DNAJC11: variants seen among roughly 807,000 people sequenced by gnomAD.
DNAJC11 encodes the protein dnaJ homolog subfamily C member 11.
A neutral mutation model predicts 78.6 loss-of-function variants in DNAJC11; 15 were observed. That is an observed-to-expected ratio of 0.19 (90% CI 0.13 to 0.29). The LOEUF (loss-of-function observed/expected upper bound fraction) is 0.29, where lower values mean the gene tolerates loss of function less well. Ranked by LOEUF, DNAJC11 falls within the 10% of genes least tolerant of loss-of-function variation. DNAJC11 has a pLI of 1.00. For missense variants in DNAJC11, 547 were observed against 709.6 expected (o/e 0.77, Z 2.60); for synonymous variants, 292 against 272.1 (o/e 1.07, Z -0.72).
intron 7 of DNAJC11, chr1:6,651,231 C>T: frequency 4.8e-6 from 3 of 618,628 alleles, no homozygotes; most frequent in Non-Finnish European, 9.5e-6. Flanking sequence ...GTCCACTGAC[C>T]AACTCTCCCT....
intron 1 of DNAJC11, among the ~76,000 whole-genome samples, chr1:6,695,643 A>AAAAAAAAAT (rs1642823716): frequency 6.7e-6 from 1 of 148,500 alleles, no homozygotes; most frequent in South Asian, 2.1e-4. Flanking sequence ...AAAAAAAAAA[A>AAAAAAAAAT]AAAAAAAAAA....
At chr1:6,700,445 T>C (rs1409946822) in intron 1 of DNAJC11, among the ~76,000 whole-genome samples, 1 of 152,206 alleles carries the variant, frequency 6.6e-6, no homozygotes, top group Non-Finnish European at 1.5e-5. Context: ...AGCAGCTTTG[T>C]AGTCCAAGGA....
chr1:6,662,958 T>C (rs1003853788), intron 4 of DNAJC11, among the ~76,000 whole-genome samples: 1 of 152,068 alleles, frequency 6.6e-6, no homozygotes, highest in Non-Finnish European at 1.5e-5. Context: ...ACCGCGAAGG[T>C]CCATGGCTTC....
chr1:6,657,794 G>A (rs1307547789), intron 4 of DNAJC11, among the ~76,000 whole-genome samples: 2 of 152,024 alleles, frequency 1.3e-5, no homozygotes, highest in Admixed American at 6.6e-5. Flanking sequence ...ACAGGCGCCT[G>A]CCACCACGCC....
At chr1:6,662,916 T>G (rs1642239535) in intron 4 of DNAJC11, among the ~76,000 whole-genome samples, 1 of 152,152 alleles carries the variant, frequency 6.6e-6, no homozygotes, top group African/African-American at 2.4e-5. Flanking sequence ...TGCTGCTCAC[T>G]CTGGGTCCGC....
At chr1:6,663,258 A>G (rs1433804408) in intron 4 of DNAJC11, among the ~76,000 whole-genome samples, 1 of 152,154 alleles carries the variant, frequency 6.6e-6, no homozygotes, top group Non-Finnish European at 1.5e-5. Flanking sequence ...AAACTAAAGC[A>G]ATATATGCCC....
intron 1 of DNAJC11, among the ~76,000 whole-genome samples, 171 bp downstream of exon 1, chr1:6,701,558 G>A (rs971738197): frequency 2.3e-4 from 35 of 152,282 alleles, no homozygotes; most frequent in East Asian, 1.5e-3. Context: ...GAGGGTCTGG[G>A]CGGTGGGGAC....
intron 3 of DNAJC11, among the ~76,000 whole-genome samples, chr1:6,670,045 C>G (rs1248936750): frequency 6.6e-6 from 1 of 151,904 alleles, no homozygotes; most frequent in African/African-American, 2.4e-5. Flanking sequence ...GCTCCGCCTC[C>G]CTGGTTCACA....
intron 1 of DNAJC11, among the ~76,000 whole-genome samples, chr1:6,695,300 TTA>T (rs1449363663): frequency 1.3e-5 from 2 of 151,816 alleles, no homozygotes. Context: ...CCCCCAATCC[TTA>T]TGTCTTTTTT....
At chr1:6,699,063 T>C (rs1642884798) in intron 1 of DNAJC11, among the ~76,000 whole-genome samples, 1 of 151,196 alleles carries the variant, frequency 6.6e-6, no homozygotes, top group African/African-American at 2.4e-5. Flanking sequence ...CCCGGCACTT[T>C]GGGAGGCAGA....
intron 4 of DNAJC11, among the ~76,000 whole-genome samples, chr1:6,658,184 C>T (rs1394056566): frequency 2.0e-5 from 3 of 152,132 alleles, no homozygotes; most frequent in African/African-American, 4.8e-5. Flanking sequence ...CGGGATGCCA[C>T]TGAGATCAGA....
At chr1:6,640,565 C>T (rs1034213359) in intron 10 of DNAJC11, among the ~76,000 whole-genome samples, 13 of 152,162 alleles carry the variant, frequency 8.5e-5, no homozygotes, top group Admixed American at 2.6e-4. Context: ...GGCGTGGTGG[C>T]TCACGCCTGT....
chr1:6,638,855 G>T (rs879363201), intron 11 of DNAJC11, among the ~76,000 whole-genome samples: 1 of 152,144 alleles, frequency 6.6e-6, no homozygotes, highest in Admixed American at 6.5e-5. Context: ...TACCACTTTA[G>T]ACACACAGAT....
Position 6,638,308 on chromosome 1 carries a change from T to C in DNAJC11, c.1310A>G (p.Glu437Gly). The C allele has an allele frequency of 1.2e-6, 2 of 1,613,364 alleles. No homozygotes were observed. Among genetic ancestry groups the C allele is most frequent in the South Asian group, 2.2e-5 (2 of 90,990 alleles). Residue 437 changes from glutamate (E) to glycine (G), a missense_variant, in exon 12 of 16, where the codon GAG becomes GGG. Physicochemically the swap from Glu to Gly is moderately conservative, Grantham distance 98. Transcript: ENST00000377577. ...AATDVLQKKQ[E>G]AESAVRLMQE... ...GGCAGCACTCACAGCGGACTCCGCC[T>C]CTTGCTTCTTCTGCAGCACATCGGT...
At chr1:6,693,420 G>C (rs534628479) in intron 1 of DNAJC11, among the ~76,000 whole-genome samples, 5 of 152,156 alleles carry the variant, frequency 3.3e-5, no homozygotes, top group South Asian at 4.1e-4. Context: ...TTGCTCTGTC[G>C]CTCAGGCTGG....
intron 1 of DNAJC11, among the ~76,000 whole-genome samples, chr1:6,701,525 G>A (rs1472412906): frequency 1.3e-5 from 2 of 152,108 alleles, no homozygotes; most frequent in South Asian, 2.1e-4. Context: ...TGGGGCGGAG[G>A]CTGGCCCCGG....
chr1:6,636,387 A>G (rs1268210199), intron 14 of DNAJC11, 141 bp from the exon 15 acceptor site: 2 of 1,313,718 alleles, frequency 1.5e-6, no homozygotes, highest in African/African-American at 3.0e-5. Context: ...AGAAAAAGAA[A>G]CAAGAATTTG....
chr1:6,651,951 C>T (rs1642062291), intron 6 of DNAJC11, among the ~76,000 whole-genome samples: 1 of 148,956 alleles, frequency 6.7e-6, no homozygotes, highest in African/African-American at 2.5e-5. Flanking sequence ...ACCTGCAGAG[C>T]ACCGACTGCG....
Position 6,652,939 on chromosome 1 carries a change from C to T in DNAJC11, c.520G>A (p.Ala174Thr). 6.2e-7 allele frequency: 1 copy of T among 1,614,098 alleles called. No homozygotes were observed. Among genetic ancestry groups the T allele is most frequent in the Non-Finnish European group, 8.5e-7 (1 of 1,180,004 alleles). The stretch of plus-strand genomic sequence containing the variant: ...CCAGAGAGGATGGCTGTGTCTGTCG[C>T]TGTCAAGGGTGCCTAAAAATGGTAT... ...ISQSIEAPLT[A>T]TDTAILSGSL... Residue 174 changes from alanine (A) to threonine (T), a missense_variant, in exon 6 of 16, where the codon GCG becomes ACG. Coordinates refer to ENST00000377577, the MANE Select transcript of DNAJC11 (RefSeq NM_018198.4).
Sources: allele counts gnomAD v4.1 joint callset (sites outside exome capture counted in the v4.1 genomes callset), GRCh38; gene constraint gnomAD v4.1.1; transcripts MANE v1.5; gene names NCBI Gene and HGNC (gene_info 2026-07-23, HGNC 2026-07-21).